AMZ2: variants seen among roughly 807,000 people sequenced by gnomAD.
The protein encoded by AMZ2 is archaelysin family metallopeptidase 2.
A neutral mutation model predicts 36.7 loss-of-function variants in AMZ2; 26 were observed. That is an observed-to-expected ratio of 0.71 (90% CI 0.52 to 0.98). The LOEUF is 0.98. Ranked by LOEUF, AMZ2 falls within the 50% of genes least tolerant of loss-of-function variation. The pLI, the probability that AMZ2 is intolerant of heterozygous loss-of-function variation, is 0.00. For synonymous variants in AMZ2, 144 were observed against 149.1 expected (o/e 0.97, Z 0.25); for missense variants, 394 against 430.5 (o/e 0.92, Z 0.75).
intron 4 of AMZ2, among the ~76,000 whole-genome samples, chr17:68,253,007 G>C (rs1555740631): frequency 6.6e-6 from 1 of 152,176 alleles, no homozygotes; most frequent in Non-Finnish European, 1.5e-5. Flanking sequence ...GGATTAGACA[G>C]TGACAATATC....
intron 1 of AMZ2, among the ~76,000 whole-genome samples, chr17:68,219,014 G>A (rs1157784255): frequency 3.9e-5 from 6 of 152,042 alleles, no homozygotes; most frequent in African/African-American, 7.2e-5. Flanking sequence ...TTTTTGAGAT[G>A]GAGTCTCACC....
intron 1 of AMZ2, among the ~76,000 whole-genome samples, chr17:68,224,122 T>C (rs2073446882): frequency 6.6e-6 from 1 of 152,046 alleles, no homozygotes; most frequent in Non-Finnish European, 1.5e-5. Flanking sequence ...TCTCTATTTT[T>C]AGTAGAGACG....
chr17:68,206,373 A>G, intron 1 of AMZ2: 4 of 953,642 alleles, frequency 4.2e-6, no homozygotes, highest in Non-Finnish European at 5.4e-6. Flanking sequence ...GGGAAATGCG[A>G]GGGCACATCA....
At chr17:68,238,536 G>GTA (rs201907509) in intron 1 of AMZ2, among the ~76,000 whole-genome samples, 3 of 93,870 alleles carry the variant, frequency 3.2e-5, no homozygotes, top group Middle Eastern at 4.8e-3. Context: ...TATGCCATAT[G>GTA]TATATATATA....
intron 1 of AMZ2, among the ~76,000 whole-genome samples, chr17:68,218,146 A>G (rs2073250955): frequency 6.6e-6 from 1 of 152,168 alleles, no homozygotes. Flanking sequence ...TTTATGGTCC[A>G]CCTGAGGAAC....
At chr17:68,256,131 G>A (rs2074887632) in intron 6 of AMZ2, among the ~76,000 whole-genome samples, 1 of 152,230 alleles carries the variant, frequency 6.6e-6, no homozygotes, top group Admixed American at 6.5e-5. Context: ...TTTAGGGCAA[G>A]AGAGCTTGAC....
Position 68,256,813 on chromosome 17 carries a change from G to A in AMZ2, c.928-1G>A, listed in dbSNP as rs782345561. On this transcript the variant is annotated splice_acceptor_variant, in intron 6 of 6. Coordinates refer to ENST00000359904, the MANE Select transcript of AMZ2 (RefSeq NM_016627.5). LOFTEE classifies it high-confidence loss of function. ...AGTGCGCATCTTTCATGTTTTTCCA[G>A]GCACTGGTGAGGTGGATTGATGATG... 2 of 1,608,660 alleles carry A rather than the reference G, an allele frequency of 1.2e-6. No individual in the cohort carries two copies. The highest frequency in any genetic ancestry group is 2.2e-5 in the South Asian group (2 of 89,990).
chr17:68,224,750 G>A lies in AMZ2; in HGVS notation c.-67+18512G>A, dbSNP rs553916659. 5.9e-5 allele frequency among the ~76,000 whole-genome samples: 9 copies of A among 151,992 alleles called. No homozygotes were observed. In the East Asian group the frequency reaches 1.2e-3, roughly 20 times the overall value. On this transcript the variant is annotated intron_variant, in intron 1 of 7. Transcript: ENST00000674770. ...GAGTTGGGGTCTTCCTATGTTGCCC[G>A]GGCTGAGGGGCAGCTATTTTTATTT...
chr17:68,215,577 C>T (rs1555727041), intron 1 of AMZ2, among the ~76,000 whole-genome samples: 1 of 135,748 alleles, frequency 7.4e-6, no homozygotes, highest in Non-Finnish European at 1.7e-5. Context: ...AAGTTTACTG[C>T]TGTGTTGTCA....
intron 5 of AMZ2, 30 bp from the exon 6 acceptor site, chr17:68,255,670 T>C (rs371702674): frequency 4.8e-5 from 77 of 1,599,918 alleles, no homozygotes; most frequent in Non-Finnish European, 6.5e-5. Flanking sequence ...GATGGTGGTC[T>C]TATAAAGCCT....
At chr17:68,225,633 T>C (rs2073495438) in intron 1 of AMZ2, among the ~76,000 whole-genome samples, 1 of 152,122 alleles carries the variant, frequency 6.6e-6, no homozygotes, top group Non-Finnish European at 1.5e-5. Context: ...ATTCTTTTCT[T>C]TTCTTTTTTT....
intron 1 of AMZ2, chr17:68,207,425 C>A (rs2072873562): frequency 6.7e-6 from 1 of 148,710 alleles, no homozygotes; most frequent in African/African-American, 2.5e-5. Flanking sequence ...TATAATTTTG[C>A]AAATCTAGAT....
In AMZ2 at chr17:68,255,702, T is replaced by G; in HGVS notation, c.753T>G (p.Thr251=). 6.2e-7 allele frequency: 1 copy of G among 1,613,796 alleles called. No homozygotes were observed. Among genetic ancestry groups the G allele is most frequent in the South Asian group, 1.1e-5 (1 of 91,066 alleles). Reference sequence around the variant, plus strand: ...GCCTCAACATGATTGTCTTGCAGACTTTAACCCATGAGATCGGACACATAT... The same window carrying G: ...GCCTCAACATGATTGTCTTGCAGACGTTAACCCATGAGATCGGACACATAT... The part of the protein sequence containing the change: ...TSVLLLRSCK[T]LTHEIGHIFG... Residue 251 remains threonine, a splice_region_variant and synonymous_variant, in exon 6 of 7, where the codon ACT becomes ACG. Coordinates refer to ENST00000359904, the MANE Select transcript of AMZ2 (RefSeq NM_016627.5).
In AMZ2 at chr17:68,250,787, A is replaced by C; in HGVS notation, c.284-7A>C. The C allele has an allele frequency of 6.4e-7, 1 of 1,562,910 alleles. No homozygotes were observed. Among genetic ancestry groups the C allele is most frequent in the South Asian group, 1.2e-5 (1 of 83,256 alleles). Reference sequence around the variant, plus strand: ...AGTCTGTTTTTAAATGTTCTTCCATATTGTAGGCTCTCTAGGAAACACCAG... The same window carrying C: ...AGTCTGTTTTTAAATGTTCTTCCATCTTGTAGGCTCTCTAGGAAACACCAG... On this transcript the variant is annotated splice_polypyrimidine_tract_variant and splice_region_variant and intron_variant, in intron 2 of 6. Transcript: ENST00000359904.
chr17:68,250,836 A>T lies in AMZ2; in HGVS notation c.326A>T (p.Lys109Ile), dbSNP rs782740642. 4.8e-5 allele frequency: 76 copies of T among 1,595,840 alleles called. No homozygotes were observed. Among genetic ancestry groups the T allele is most frequent in the Non-Finnish European group, 6.3e-5 (74 of 1,175,680 alleles). The change falls in exon 3 of 7, where the codon AAA (lysine) becomes ATA (isoleucine). Residue 109 changes from lysine (K) to isoleucine (I), a missense_variant. Transcript: ENST00000359904. ...AGAATTATCAGTGAAGAATATATTA[A>T]ATGGCTCACGGGCTACTGTAAAGCA... ...NTRIISEEYI[K>I]WLTGYCKAYF...
At chr17:68,245,371 G>A (rs2073980356), upstream of AMZ2, among the ~76,000 whole-genome samples, 1 of 151,146 alleles carries the variant, frequency 6.6e-6, no homozygotes, top group Admixed American at 6.6e-5. Context: ...CCAAGTAGCT[G>A]AGACTACAGG....
Position 68,254,428 on chromosome 17 carries a change from G to C in AMZ2, c.611G>C (p.Arg204Thr). Residue 204 changes from arginine (R) to threonine (T), a missense_variant, in exon 5 of 7, where the codon AGG becomes ACG. Transcript: ENST00000359904. ...GGTGTGGGGATATTCAGCTTTGCCA[G>C]GTATGGCAGTGATTTTTATAGCATG... ...TDGVGIFSFA[R>T]YGSDFYSMHY... is the part of the protein sequence containing the mutation. 8.7e-6 allele frequency: 14 copies of C among 1,612,816 alleles called. No homozygotes were observed. Among genetic ancestry groups the C allele is most frequent in the Non-Finnish European group, 1.2e-5 (14 of 1,179,878 alleles).
intron 1 of AMZ2, chr17:68,249,463 A>G (rs1212936022): frequency 6.6e-6 from 1 of 152,544 alleles, no homozygotes; most frequent in Non-Finnish European, 1.5e-5. Context: ...ACATCACCAC[A>G]TCCGGCTAAT....
intron 1 of AMZ2, among the ~76,000 whole-genome samples, chr17:68,227,768 G>A (rs2073552629): frequency 6.6e-6 from 1 of 152,224 alleles, no homozygotes; most frequent in South Asian, 2.1e-4. Context: ...TTGGGAGGCT[G>A]AGGTGGGAGG....
Sources: allele counts gnomAD v4.1 joint callset (sites outside exome capture counted in the v4.1 genomes callset), GRCh38; gene constraint gnomAD v4.1.1; transcripts MANE v1.5; gene names NCBI Gene and HGNC (gene_info 2026-07-23, HGNC 2026-07-21).